The following ROBO2 variants were observed in gnomAD, a reference collection of about 807,000 sequenced individuals.
ROBO2 encodes the protein roundabout homolog 2.
A neutral mutation model predicts 160.8 loss-of-function variants in ROBO2; 53 were observed. The observed-to-expected ratio is 0.33, with a 90% CI of 0.26 to 0.41. ROBO2 has a LOEUF of 0.41. Ranked by LOEUF, ROBO2 falls within the 10% of genes least tolerant of loss-of-function variation. The probability of loss-of-function intolerance (pLI) is 1.00; values close to 1 mark genes in which losing one functional copy is unlikely to be tolerated. For synonymous variants in ROBO2, 664 were observed against 611.7 expected (o/e 1.09, Z -1.26); for missense variants, 1,577 against 1,722.4 (o/e 0.92, Z 1.49).
rs1475023735 is a variant in ROBO2 at position 77,047,132 on chromosome 3, A to G, written c.61+6286A>G. On this transcript the variant is annotated intron_variant, in intron 1 of 25. Coordinates refer to ENST00000461745, the Ensembl canonical transcript of ROBO2. ...ATTGGAAATTGAATTCCAGGAAAAGAAGTAACCAGAAAAATGGCATGAAGA... is the reference window on the plus strand; with the variant it reads ...ATTGGAAATTGAATTCCAGGAAAAGGAGTAACCAGAAAAATGGCATGAAGA... 2.6e-5 allele frequency among the ~76,000 whole-genome samples: 4 copies of G among 152,166 alleles called. No homozygotes were observed. The East Asian group carries it at 7.7e-4, about 29-fold the overall frequency.
intron 2 of ROBO2, among the ~76,000 whole-genome samples, chr3:76,098,571 G>GA (rs1224470838): frequency 6.6e-6 from 1 of 150,576 alleles, no homozygotes; most frequent in African/African-American, 2.4e-5. Context: ...AAATAAATAT[G>GA]AAAAAATAAC....
chr3:76,755,435 T>C (rs2060914973), intron 2 of ROBO2, among the ~76,000 whole-genome samples: 1 of 151,822 alleles, frequency 6.6e-6, no homozygotes, highest in African/African-American at 2.4e-5. Context: ...CCAAATTGTA[T>C]CCTGGGAAAG....
At chr3:76,640,391 C>A (rs1017301130) in intron 2 of ROBO2, among the ~76,000 whole-genome samples, 1 of 151,960 alleles carries the variant, frequency 6.6e-6, no homozygotes, top group African/African-American at 2.4e-5. Flanking sequence ...ATTAGTCAGG[C>A]GTGGTGGCAG....
At chr3:76,048,592 A>G (rs1331970395) in intron 2 of ROBO2, among the ~76,000 whole-genome samples, 1 of 152,182 alleles carries the variant, frequency 6.6e-6, no homozygotes, top group African/African-American at 2.4e-5. Flanking sequence ...TGCAGATGAG[A>G]TTATGGATTG....
intron 2 of ROBO2, among the ~76,000 whole-genome samples, chr3:76,203,632 T>C (rs77675880): frequency 2.1e-4 from 2 of 9,696 alleles, no homozygotes; most frequent in Non-Finnish European, 9.3e-4. Flanking sequence ...TAGTAACCTG[T>C]GTGAGATTGC....
At chr3:76,053,701 A>T (rs1419831968) in intron 2 of ROBO2, among the ~76,000 whole-genome samples, 1 of 152,102 alleles carries the variant, frequency 6.6e-6, no homozygotes, top group East Asian at 1.9e-4. Flanking sequence ...CCATACATTA[A>T]GATAAATGGG....
chr3:76,767,914 A>C (rs796145122), intron 2 of ROBO2, among the ~76,000 whole-genome samples: 19 of 151,624 alleles, frequency 1.3e-4, no homozygotes, highest in African/African-American at 4.6e-4. Flanking sequence ...TGTGGGATCT[A>C]CTTTTTTGAA....
intron 2 of ROBO2, among the ~76,000 whole-genome samples, chr3:76,639,020 C>G (rs1252950431): frequency 6.6e-6 from 1 of 152,046 alleles, no homozygotes; most frequent in Non-Finnish European, 1.5e-5. Flanking sequence ...CACTTCTATT[C>G]CAAAGACTCC....
chr3:76,208,682 T>G (rs556655966), intron 2 of ROBO2, among the ~76,000 whole-genome samples: 1 of 152,270 alleles, frequency 6.6e-6, no homozygotes, highest in African/African-American at 2.4e-5. Flanking sequence ...CCTTTATTGT[T>G]TCCTGTGTAA....
At chr3:76,733,121 G>A (rs2093661259) in intron 2 of ROBO2, among the ~76,000 whole-genome samples, 1 of 152,070 alleles carries the variant, frequency 6.6e-6, no homozygotes, top group African/African-American at 2.4e-5. Context: ...CTGGCTTGGG[G>A]GTGATCAGAT....
rs61262841 is a variant in ROBO2 at position 76,736,283 on chromosome 3, A to AAAAAT, written c.110-361698_110-361694dup. On this transcript the variant is annotated intron_variant, in intron 2 of 26. Transcript: ENST00000487694. ...GGCGACAGAGCGAGACTCCGTCTCA[A>AAAAAT]AAAATAAAATAAAATAAAATAAAAT... 8.5e-3 allele frequency among the ~76,000 whole-genome samples: 1,013 copies of AAAAAT among 119,446 alleles called. 43 individuals carry two copies. The highest frequency in any genetic ancestry group is 0.035 in the East Asian group (150 of 4,286). The allele number at this position is 119,446 out of a possible 152,430, so 78.4% of individuals were successfully genotyped here.
intron 2 of ROBO2, among the ~76,000 whole-genome samples, chr3:77,221,559 T>C (rs1237200715): frequency 6.6e-6 from 1 of 152,156 alleles, no homozygotes; most frequent in African/African-American, 2.4e-5. Flanking sequence ...TCTCTCTGTT[T>C]TGGTCTCTCC....
At chr3:76,077,919 T>C in intron 2 of ROBO2, among the ~76,000 whole-genome samples, 1 of 152,170 alleles carries the variant, frequency 6.6e-6, no homozygotes, top group East Asian at 1.9e-4. Context: ...CCATTCCCCC[T>C]TTTGCCACCA....
chr3:76,132,697 A>G (rs1026508012), intron 2 of ROBO2, among the ~76,000 whole-genome samples: 4 of 152,178 alleles, frequency 2.6e-5, no homozygotes, highest in African/African-American at 9.6e-5. Flanking sequence ...ACACATTTAC[A>G]TTTCCAATAT....
At chr3:76,695,601 A>C (rs1340179333) in intron 2 of ROBO2, among the ~76,000 whole-genome samples, 2 of 152,158 alleles carry the variant, frequency 1.3e-5, no homozygotes, top group Non-Finnish European at 2.9e-5. Flanking sequence ...TTATAGCTAC[A>C]TTTGTCCTGT....
intron 1 of ROBO2, among the ~76,000 whole-genome samples, chr3:77,080,011 TG>T (rs2068465441): frequency 6.6e-6 from 1 of 152,238 alleles, no homozygotes; most frequent in African/African-American, 2.4e-5. Context: ...TCTCGCTCCG[TG>T]TTTGTGAACT....
chr3:76,603,400 G>A (rs1578463050), intron 2 of ROBO2, among the ~76,000 whole-genome samples: 3 of 105,380 alleles, frequency 2.8e-5, no homozygotes, highest in South Asian at 3.2e-4. Context: ...GTAGAAATAT[G>A]GACATTTCTT....
chr3:77,598,062 C>G (rs1291568271), intron 19 of ROBO2, among the ~76,000 whole-genome samples: 1 of 152,016 alleles, frequency 6.6e-6, no homozygotes, highest in African/African-American at 2.4e-5. Context: ...GTGCTGTAAT[C>G]CAAGCAAAGC....
chr3:76,336,761 A>G (rs1400913545), intron 2 of ROBO2, among the ~76,000 whole-genome samples: 1 of 151,640 alleles, frequency 6.6e-6, no homozygotes, highest in Non-Finnish European at 1.5e-5. Flanking sequence ...AAAAACATAA[A>G]TACATTATCC....
Sources: allele counts gnomAD v4.1 joint callset (sites outside exome capture counted in the v4.1 genomes callset), GRCh38; gene constraint gnomAD v4.1.1; transcripts MANE v1.5; gene names NCBI Gene and HGNC (gene_info 2026-07-23, HGNC 2026-07-21).